The following FAT3 variants were observed in gnomAD, a reference collection of about 807,000 sequenced individuals.
FAT3 encodes the protein FAT atypical cadherin 3, also known as protocadherin Fat 3.
In FAT3, 95 loss-of-function variants were observed where a neutral mutation model predicts 310.2. The ratio of observed to expected loss-of-function variants is 0.31; its 90% CI spans 0.26 to 0.36. The LOEUF is 0.36. Ranked by LOEUF, FAT3 falls within the 10% of genes least tolerant of loss-of-function variation. FAT3 has a pLI of 1.00. For missense variants in FAT3, 5,408 were observed against 5,715.6 expected (o/e 0.95, Z 1.74); for synonymous variants, 2,314 against 2,192.9 (o/e 1.06, Z -1.54).
At chr11:92,448,093 T>C (rs1951263265) in intron 2 of FAT3, among the ~76,000 whole-genome samples, 1 of 152,156 alleles carries the variant, frequency 6.6e-6, no homozygotes, top group South Asian at 2.1e-4. Context: ...CTTTATGCTT[T>C]TCTGTGGCCA....
intron 1 of FAT3, among the ~76,000 whole-genome samples, chr11:92,235,180 A>C (rs1023911168): frequency 5.3e-5 from 8 of 151,972 alleles, no homozygotes; most frequent in Non-Finnish European, 8.8e-5. Context: ...TAGCCTTTGG[A>C]GCATCCAGAG....
intron 4 of FAT3, among the ~76,000 whole-genome samples, chr11:92,756,252 A>G (rs1945987907): frequency 6.6e-6 from 1 of 152,234 alleles, no homozygotes; most frequent in Admixed American, 6.5e-5. Flanking sequence ...TACCTATGAC[A>G]AAGCTTAATT....
chr11:92,638,154 T>G (rs1345001972), intron 3 of FAT3, among the ~76,000 whole-genome samples: 1 of 152,186 alleles, frequency 6.6e-6, no homozygotes, highest in Non-Finnish European at 1.5e-5. Context: ...GGTTGAGAGG[T>G]ACTCATTGGA....
chr11:92,431,544 T>G (rs1348063947), intron 2 of FAT3, among the ~76,000 whole-genome samples: 12 of 152,170 alleles, frequency 7.9e-5, no homozygotes, highest in Non-Finnish European at 1.6e-4. Flanking sequence ...TTTTGGCTTT[T>G]GTTGCCATTG....
At chr11:92,836,011 A>T (rs1370869787) in intron 15 of FAT3, among the ~76,000 whole-genome samples, 1 of 152,112 alleles carries the variant, frequency 6.6e-6, no homozygotes, top group Non-Finnish European at 1.5e-5. Flanking sequence ...GGAGGACAGT[A>T]CATTTCTTAT....
At chr11:92,322,023 T>G (rs1245658001) in intron 1 of FAT3, among the ~76,000 whole-genome samples, 25 of 152,164 alleles carry the variant, frequency 1.6e-4, no homozygotes. Context: ...ATTGAAAACC[T>G]TGATTGCTGA....
chr11:92,857,644 A>G (rs1949016600), intron 20 of FAT3, among the ~76,000 whole-genome samples: 1 of 152,192 alleles, frequency 6.6e-6, no homozygotes, highest in South Asian at 2.1e-4. Context: ...GTGGAAAATA[A>G]AAGGCTGTTG....
At chr11:92,478,576 C>A (rs1031007032) in intron 2 of FAT3, among the ~76,000 whole-genome samples, 3 of 152,244 alleles carry the variant, frequency 2.0e-5, no homozygotes, top group Admixed American at 6.5e-5. Context: ...AACAACCTGA[C>A]AACCTCCTGA....
chr11:92,574,632 A>AAC (rs1448651047), intron 3 of FAT3, among the ~76,000 whole-genome samples: 1 of 152,148 alleles, frequency 6.6e-6, no homozygotes, highest in African/African-American at 2.4e-5. Flanking sequence ...TCAATTAGGA[A>AAC]ACATCGTTTT....
At chr11:92,335,532 C>T (rs1948046398) in intron 1 of FAT3, among the ~76,000 whole-genome samples, 1 of 152,024 alleles carries the variant, frequency 6.6e-6, no homozygotes, top group South Asian at 2.1e-4. Flanking sequence ...TGTTCTGCAC[C>T]TTATATAAAA....
At chr11:92,756,796 C>T (rs1946002977) in intron 4 of FAT3, among the ~76,000 whole-genome samples, 2 of 151,818 alleles carry the variant, frequency 1.3e-5, no homozygotes, top group South Asian at 4.2e-4. Context: ...CTACGAAGCT[C>T]TTGTTTCTTC....
chr11:92,578,011 A>G (rs998926161), intron 3 of FAT3, among the ~76,000 whole-genome samples: 12 of 152,268 alleles, frequency 7.9e-5, no homozygotes, highest in African/African-American at 2.2e-4. Context: ...TACAACTGAT[A>G]TATATTAGAA....
chr11:92,600,895 T>C (rs1423066579), intron 3 of FAT3, among the ~76,000 whole-genome samples: 2 of 151,972 alleles, frequency 1.3e-5, no homozygotes, highest in Non-Finnish European at 2.9e-5. Context: ...TCAGTTGAAA[T>C]TGAATGGTGA....
intron 3 of FAT3, among the ~76,000 whole-genome samples, chr11:92,594,325 C>A (rs1274733533): frequency 6.6e-6 from 1 of 152,132 alleles, no homozygotes; most frequent in African/African-American, 2.4e-5. Flanking sequence ...CTCCTGTAAT[C>A]CCAGCTACTC....
intron 3 of FAT3, among the ~76,000 whole-genome samples, chr11:92,623,063 C>T (rs2135674295): frequency 6.6e-6 from 1 of 152,232 alleles, no homozygotes; most frequent in South Asian, 2.1e-4. Flanking sequence ...TGTCTTTTAC[C>T]CTCTGCTCTT....
intron 3 of FAT3, among the ~76,000 whole-genome samples, chr11:92,578,241 G>A (rs1938596166): frequency 2.0e-5 from 3 of 151,988 alleles, no homozygotes; most frequent in Non-Finnish European, 4.4e-5. Flanking sequence ...ATATTCACAG[G>A]ATTACTTGGT....
chr11:92,775,370 G>GA (rs1340759657), intron 7 of FAT3, among the ~76,000 whole-genome samples: 35 of 152,224 alleles, frequency 2.3e-4, no homozygotes, highest in African/African-American at 8.2e-4. Flanking sequence ...TCTTTTCTTT[G>GA]AATCTGTTTA....
At chr11:92,631,716 T>C (rs185822915) in intron 3 of FAT3, among the ~76,000 whole-genome samples, 1 of 152,246 alleles carries the variant, frequency 6.6e-6, no homozygotes. Context: ...AATGAACTAA[T>C]ACAGAGGATT....
chr11:92,378,785 AG>A (rs1949417625), intron 2 of FAT3, among the ~76,000 whole-genome samples: 1 of 152,210 alleles, frequency 6.6e-6, no homozygotes, highest in Non-Finnish European at 1.5e-5. Flanking sequence ...AAGTGCAAGG[AG>A]CCGACAGATT....
Sources: gnomAD v4.1 joint callset for allele counts (sites outside exome capture counted in the v4.1 genomes callset) on GRCh38, gnomAD v4.1.1 for gene constraint, MANE v1.5 for transcripts, NCBI Gene and HGNC (gene_info 2026-07-23, HGNC 2026-07-21) for gene names.